Variants in ADAMTS17 observed in about 807,000 individuals in gnomAD.
ADAMTS17 encodes A disintegrin and metalloproteinase with thrombospondin motifs 17.
Under a neutral mutation model 141.5 loss-of-function variants are expected in ADAMTS17, and 113 were observed. The observed-to-expected ratio is 0.80, with a 90% CI of 0.69 to 0.93. The LOEUF (loss-of-function observed/expected upper bound fraction) is 0.93. Among genes scored for constraint, ADAMTS17 ranks in the 40% least tolerant of loss-of-function variants. The pLI, the probability that ADAMTS17 is intolerant of heterozygous loss-of-function variation, is 0.00. For synonymous variants in ADAMTS17, 768 were observed against 630.6 expected (o/e 1.22, Z -3.27); for missense variants, 1,659 against 1,517.9 (o/e 1.09, Z -1.54).
At chr15:100,146,518 G>A (rs1380912919) in intron 10 of ADAMTS17, among the ~76,000 whole-genome samples, 1 of 152,170 alleles carries the variant, frequency 6.6e-6, no homozygotes, top group Non-Finnish European at 1.5e-5. Context: ...TCAGGACCCT[G>A]TGATAATTGT....
chr15:100,174,836 G>A (rs750318065), intron 8 of ADAMTS17, among the ~76,000 whole-genome samples: 1 of 152,180 alleles, frequency 6.6e-6, no homozygotes, highest in Non-Finnish European at 1.5e-5. Flanking sequence ...TTTACTAGCA[G>A]CAACTTTGTA....
chr15:100,153,827 T>C (rs2039304464), intron 9 of ADAMTS17, among the ~76,000 whole-genome samples: 1 of 152,112 alleles, frequency 6.6e-6, no homozygotes, highest in African/African-American at 2.4e-5. Flanking sequence ...CTGATCCTGG[T>C]TTACTTCTGG....
intron 7 of ADAMTS17, among the ~76,000 whole-genome samples, chr15:100,234,398 G>A (rs2141863343): frequency 6.6e-6 from 1 of 152,290 alleles, no homozygotes; most frequent in South Asian, 2.1e-4. Context: ...TACCAGTAAG[G>A]AAGATGAAGG....
rs115529604 is a variant in ADAMTS17, at chr15:100,311,106, G to C, written c.616+19783C>G. ...CGAAAGCCATTTCTTAAAAAGACCA[G>C]AGTGTCTGTTCTCCTTCCCTTGCCT... is the stretch of plus-strand genomic sequence containing the variant. On this transcript the variant is annotated intron_variant, in intron 3 of 21. Coordinates refer to ENST00000268070, the MANE Select transcript of ADAMTS17 (RefSeq NM_139057.4). Among the ~76,000 whole-genome samples, 422 of 152,364 alleles carry C rather than the reference G, an allele frequency of 2.8e-3. 4 individuals carry two copies. The highest frequency in any genetic ancestry group is 9.5e-3 in the African/African-American group (397 of 41,594).
chr15:100,323,838 AAAC>A, intron 3 of ADAMTS17, among the ~76,000 whole-genome samples: 1 of 152,210 alleles, frequency 6.6e-6, no homozygotes, highest in East Asian at 1.9e-4. Flanking sequence ...AAAACATACA[AAAC>A]AATACAGTAT....
chr15:100,037,991 G>C (rs2030909900), intron 18 of ADAMTS17, among the ~76,000 whole-genome samples: 1 of 152,162 alleles, frequency 6.6e-6, no homozygotes, highest in East Asian at 1.9e-4. Context: ...GCCCAGGCTG[G>C]TCTTGAACTC....
intron 6 of ADAMTS17, among the ~76,000 whole-genome samples, chr15:100,257,852 C>A (rs2043378101): frequency 6.6e-6 from 1 of 152,192 alleles, no homozygotes. Flanking sequence ...CCGCTATCCA[C>A]CTCCAAAACC....
intron 21 of ADAMTS17, among the ~76,000 whole-genome samples, chr15:99,975,014 C>T (rs1268131110): frequency 6.6e-6 from 1 of 152,202 alleles, no homozygotes; most frequent in Non-Finnish European, 1.5e-5. Context: ...AGGCCCTGCT[C>T]AAGGGAGGTC....
At chr15:100,211,585 A>G (rs1418537141) in intron 7 of ADAMTS17, among the ~76,000 whole-genome samples, 3 of 152,240 alleles carry the variant, frequency 2.0e-5, no homozygotes, top group Non-Finnish European at 4.4e-5. Context: ...TTTTAAAACA[A>G]GAAACAGGAA....
At chr15:100,005,873 C>T (rs2061027520) in intron 18 of ADAMTS17, among the ~76,000 whole-genome samples, 2 of 152,100 alleles carry the variant, frequency 1.3e-5, no homozygotes, top group African/African-American at 2.4e-5. Flanking sequence ...TGAAGGAGAA[C>T]GTGTTCTGTG....
intron 3 of ADAMTS17, among the ~76,000 whole-genome samples, chr15:100,298,231 A>C (rs2044893462): frequency 6.6e-6 from 1 of 152,120 alleles, no homozygotes; most frequent in African/African-American, 2.4e-5. Context: ...AAAAATTGAA[A>C]CATAAAATGA....
At chr15:100,194,914 C>T (rs929643908) in intron 8 of ADAMTS17, among the ~76,000 whole-genome samples, 1 of 152,216 alleles carries the variant, frequency 6.6e-6, no homozygotes, top group Admixed American at 6.5e-5. Flanking sequence ...CTGCTGCTTT[C>T]TAACGGCCAC....
At chr15:100,096,323 G>A (rs1381517937) in intron 15 of ADAMTS17, 33 bp downstream of exon 15, 2 of 1,611,396 alleles carry the variant, frequency 1.2e-6, no homozygotes, top group Admixed American at 1.7e-5. Flanking sequence ...ACAAAACACT[G>A]TAGCCACAGC....
At chr15:100,197,852 G>A (rs995787218) in intron 8 of ADAMTS17, among the ~76,000 whole-genome samples, 3 of 152,162 alleles carry the variant, frequency 2.0e-5, no homozygotes, top group African/African-American at 7.2e-5. Context: ...CCATAAAAAT[G>A]GATGAGTTCA....
In ADAMTS17 at chr15:99,973,837, C is replaced by T; in HGVS notation, c.*565G>A. 2 of 186,454 alleles carry T rather than the reference C, an allele frequency of 1.1e-5. No homozygotes were observed. Among genetic ancestry groups the T allele is most frequent in the Non-Finnish European group, 2.3e-5 (2 of 88,438 alleles). 11.5% of individuals were successfully genotyped at this position (186,454 alleles called of 1,614,324 possible). ...ACCTAGGATTTAGAGACTATGTTCT[C>T]AGAGACGGGCATGGAGGCAACGTCC... On this transcript the variant is annotated 3_prime_UTR_variant, in exon 22 of 22. Transcript: ENST00000268070.
intron 15 of ADAMTS17, among the ~76,000 whole-genome samples, chr15:100,084,849 C>G (rs927701912): frequency 2.0e-5 from 3 of 152,158 alleles, no homozygotes; most frequent in African/African-American, 7.2e-5. Context: ...CTGTACATCA[C>G]CATCATCAAA....
chr15:100,306,526 C>T (rs765941466), intron 3 of ADAMTS17: 2 of 456,096 alleles, frequency 4.4e-6, no homozygotes, highest in South Asian at 3.1e-5. Flanking sequence ...CTCCAGATCA[C>T]TCCAGCCTCC....
chr15:100,140,955 AAC>A (rs1156484205), intron 10 of ADAMTS17, among the ~76,000 whole-genome samples: 1 of 152,170 alleles, frequency 6.6e-6, no homozygotes, highest in Admixed American at 6.5e-5. Context: ...ACAGGGTGGA[AAC>A]ACACAAAGGG....
At chr15:100,290,113 C>A (rs2044579558) in intron 3 of ADAMTS17, among the ~76,000 whole-genome samples, 1 of 152,068 alleles carries the variant, frequency 6.6e-6, no homozygotes, top group Admixed American at 6.5e-5. Context: ...AACTAGAAAT[C>A]CCATAATCTC....
Sources: allele counts gnomAD v4.1 joint callset (sites outside exome capture counted in the v4.1 genomes callset), GRCh38; gene constraint gnomAD v4.1.1; transcripts MANE v1.5; gene names NCBI Gene and HGNC (gene_info 2026-07-23, HGNC 2026-07-21).